The following SKA2 variants were observed in gnomAD, a reference collection of about 807,000 sequenced individuals.
SKA2 encodes spindle and kinetochore associated complex subunit 2.
A neutral mutation model predicts 16.9 loss-of-function variants in SKA2; 13 were observed. The observed-to-expected ratio is 0.77, with a 90% CI of 0.50 to 1.22. SKA2 has a LOEUF of 1.22. SKA2 is among the 50% of genes most tolerant of loss of function. The pLI, the probability that SKA2 is intolerant of heterozygous loss-of-function variation, is 0.00. For missense variants in SKA2, 107 were observed against 139.7 expected (o/e 0.77, Z 1.18); for synonymous variants, 47 against 48.5 (o/e 0.97, Z 0.13).
At chr17:59,124,572 C>T (rs1490697001) in intron 2 of SKA2, 1 of 152,046 alleles carries the variant, frequency 6.6e-6, no homozygotes, top group East Asian at 1.9e-4. Context: ...TAGTGAAATA[C>T]CCAGAGATCT....
chr17:59,153,181 A>C (rs565408378), intron 1 of SKA2, among the ~76,000 whole-genome samples: 1 of 152,356 alleles, frequency 6.6e-6, no homozygotes, highest in Admixed American at 6.5e-5. Context: ...TAAAAGCAGA[A>C]TTAGCATCAT....
At chr17:59,126,040 G>A (rs992544711) in intron 2 of SKA2, among the ~76,000 whole-genome samples, 18 of 151,990 alleles carry the variant, frequency 1.2e-4, no homozygotes, top group African/African-American at 4.1e-4. Context: ...GCTTGGTGGC[G>A]GGTGCCTGTA....
At chr17:59,141,416 TA>T (rs1305811151) in intron 1 of SKA2, among the ~76,000 whole-genome samples, 1 of 151,244 alleles carries the variant, frequency 6.6e-6, no homozygotes, top group Non-Finnish European at 1.5e-5. Flanking sequence ...AATAAATAGA[TA>T]AATTGTGTAA....
Position 59,112,035 on chromosome 17 carries a change from G to C in SKA2, c.*242C>G. On this transcript the variant is annotated 3_prime_UTR_variant, in exon 4 of 4. Coordinates refer to ENST00000330137, the MANE Select transcript of SKA2 (RefSeq NM_182620.4). ...CAAGACTAAGTGTGTGTGTGCATGCGTGTGTACATATATTTAAATCGTTTT... is the reference window on the plus strand; with the variant it reads ...CAAGACTAAGTGTGTGTGTGCATGCCTGTGTACATATATTTAAATCGTTTT... 1 of 471,182 alleles carries C rather than the reference G, an allele frequency of 2.1e-6. No homozygotes were observed. The allele number at this position is 471,182 out of a possible 1,614,324, so 29.2% of individuals were successfully genotyped here.
chr17:59,127,347 A>G (rs1055204693), intron 2 of SKA2, among the ~76,000 whole-genome samples: 2 of 152,190 alleles, frequency 1.3e-5, no homozygotes, highest in Non-Finnish European at 2.9e-5. Flanking sequence ...CCTGGACCAT[A>G]TTAAAATGGT....
intron 1 of SKA2, among the ~76,000 whole-genome samples, chr17:59,144,784 T>C (rs1290448541): frequency 1.3e-5 from 2 of 151,010 alleles, no homozygotes; most frequent in Non-Finnish European, 3.0e-5. Flanking sequence ...AAAAGAGGAG[T>C]AATTGTATAA....
At chr17:59,113,156 G>A (rs1234348587) in intron 3 of SKA2, among the ~76,000 whole-genome samples, 3 of 151,832 alleles carry the variant, frequency 2.0e-5, no homozygotes, top group South Asian at 2.1e-4. Context: ...CTGGGAGGTC[G>A]AGACTGCAGT....
At chr17:59,144,727 TAG>T (rs1437868333) in intron 1 of SKA2, among the ~76,000 whole-genome samples, 1 of 152,180 alleles carries the variant, frequency 6.6e-6, no homozygotes. Context: ...GTCTAAATCA[TAG>T]AGACAGATAG....
intron 1 of SKA2, among the ~76,000 whole-genome samples, chr17:59,152,682 TATAAA>T (rs1484952702): frequency 6.6e-6 from 1 of 152,150 alleles, no homozygotes; most frequent in Non-Finnish European, 1.5e-5. Flanking sequence ...CTTAAAATCT[TATAAA>T]ATAAACTGGT....
At chr17:59,133,852 G>T (rs8072182) in intron 1 of SKA2, among the ~76,000 whole-genome samples, 2 of 151,880 alleles carry the variant, frequency 1.3e-5, no homozygotes, top group Non-Finnish European at 2.9e-5. Flanking sequence ...AGAAAGAGAA[G>T]GTTTTTGTTT....
At chr17:59,121,453 G>A (rs1235557263) in intron 2 of SKA2, among the ~76,000 whole-genome samples, 3 of 151,712 alleles carry the variant, frequency 2.0e-5, no homozygotes, top group Admixed American at 1.3e-4. Flanking sequence ...TCAGGAGTTC[G>A]AGACCAGCCT....
chr17:59,134,489 T>A (rs2147809039), intron 1 of SKA2, among the ~76,000 whole-genome samples: 1 of 152,296 alleles, frequency 6.6e-6, no homozygotes, highest in South Asian at 2.1e-4. Flanking sequence ...ACTTACATAT[T>A]TTTTAACTTG....
intron 1 of SKA2, among the ~76,000 whole-genome samples, chr17:59,141,711 G>A (rs1470088366): frequency 5.7e-5 from 8 of 141,070 alleles, no homozygotes; most frequent in East Asian, 2.1e-4. Context: ...ATGACAGAAC[G>A]AGACCTTGTC....
At chr17:59,140,933 G>C (rs889322894) in intron 1 of SKA2, among the ~76,000 whole-genome samples, 1 of 151,124 alleles carries the variant, frequency 6.6e-6, no homozygotes, top group Non-Finnish European at 1.5e-5. Flanking sequence ...TAAAAGGCTA[G>C]TTTTATCAGT....
intron 3 of SKA2, among the ~76,000 whole-genome samples, chr17:59,116,311 T>C (rs2046295574): frequency 6.6e-6 from 1 of 152,142 alleles, no homozygotes; most frequent in South Asian, 2.1e-4. Context: ...AGGCGGAAGT[T>C]GCTGTGAGCC....
intron 1 of SKA2, among the ~76,000 whole-genome samples, chr17:59,133,612 A>G (rs1358454587): frequency 6.6e-6 from 1 of 152,232 alleles, no homozygotes; most frequent in Non-Finnish European, 1.5e-5. Flanking sequence ...TTTTTAGTAT[A>G]TAAAAGGTTC....
At chr17:59,123,047 A>G (rs1948546343) in intron 2 of SKA2, among the ~76,000 whole-genome samples, 1 of 150,976 alleles carries the variant, frequency 6.6e-6, no homozygotes, top group African/African-American at 2.4e-5. Context: ...AAAGAAAAGA[A>G]AAGAAAAGAA....
rs1330664794 is a variant in SKA2, at chr17:59,111,463, AAT to A, written c.*812_*813del. 4 of 152,208 alleles carry A rather than the reference AAT, an allele frequency of 2.6e-5. No individual in the cohort carries two copies. The highest frequency in any genetic ancestry group is 2.1e-4 in the South Asian group (1 of 4,832). The allele number at this position is 152,208 out of a possible 1,614,324, so 9.4% of individuals were successfully genotyped here. On this transcript the variant is annotated 3_prime_UTR_variant, in exon 4 of 4. Transcript: ENST00000330137. ...TATTGCCAATAGTTATTTTAAAATA[AAT>A]AGTTATTTTAAAGGGAAATTGACAC...
At chr17:59,152,209 A>G (rs1915887970) in intron 1 of SKA2, among the ~76,000 whole-genome samples, 1 of 152,202 alleles carries the variant, frequency 6.6e-6, no homozygotes, top group Non-Finnish European at 1.5e-5. Context: ...GGAAAAAGTC[A>G]GAGAACAAAG....
Sources: allele counts gnomAD v4.1 joint callset (sites outside exome capture counted in the v4.1 genomes callset), GRCh38; gene constraint gnomAD v4.1.1; transcripts MANE v1.5; gene names NCBI Gene and HGNC (gene_info 2026-07-23, HGNC 2026-07-21).